PDE10A: variants seen among roughly 807,000 people sequenced by gnomAD.
The protein encoded by PDE10A is cAMP and cAMP-inhibited cGMP 3',5'-cyclic phosphodiesterase 10A.
In PDE10A, 39 loss-of-function variants were observed where a neutral mutation model predicts 97.7. The ratio of observed to expected loss-of-function variants is 0.40; its 90% confidence interval spans 0.31 to 0.52. The LOEUF is 0.52. Among genes scored for constraint, PDE10A ranks in the 20% least tolerant of loss-of-function variants. The probability of loss-of-function intolerance (pLI) is 0.56; values close to 1 mark genes in which losing one functional copy is unlikely to be tolerated. For missense variants in PDE10A, 731 were observed against 1,047.8 expected (o/e 0.70, Z 4.17); for synonymous variants, 371 against 376.8 (o/e 0.98, Z 0.18).
chr6:165,525,550 C>A (rs619882), intron 2 of PDE10A, among the ~76,000 whole-genome samples: 110,015 of 151,566 alleles, frequency 0.73, 42,052 homozygotes, highest in Non-Finnish European at 0.84. Context: ...TAGAGGGTCC[C>A]GAAGATATAC....
chr6:165,672,861 A>G (rs920562208), intron 1 of PDE10A, among the ~76,000 whole-genome samples: 6 of 152,238 alleles, frequency 3.9e-5, no homozygotes, highest in Non-Finnish European at 8.8e-5. Flanking sequence ...CTGAATACCT[A>G]TCATTTTCAC....
chr6:165,463,244 C>A (rs959451796), intron 3 of PDE10A, among the ~76,000 whole-genome samples: 1 of 152,128 alleles, frequency 6.6e-6, no homozygotes, highest in Non-Finnish European at 1.5e-5. Flanking sequence ...GGCACCTCAA[C>A]CTCAAATGAT....
chr6:165,712,216 A>G (rs1048836753), intron 1 of PDE10A, among the ~76,000 whole-genome samples: 1 of 152,210 alleles, frequency 6.6e-6, no homozygotes, highest in Non-Finnish European at 1.5e-5. Context: ...AGTGGGACTC[A>G]GAGGTTAATT....
At chr6:165,498,098 C>T (rs1455535003) in intron 2 of PDE10A, among the ~76,000 whole-genome samples, 1 of 151,686 alleles carries the variant, frequency 6.6e-6, no homozygotes, top group African/African-American at 2.4e-5. Context: ...ATGAGAAGTC[C>T]AAAGCTTTCT....
chr6:165,496,842 A>G (rs914350208), intron 2 of PDE10A, among the ~76,000 whole-genome samples: 6 of 152,234 alleles, frequency 3.9e-5, no homozygotes, highest in African/African-American at 1.4e-4. Context: ...TTGTCTAACT[A>G]TTAAATACAG....
At position 165,369,241 on chromosome 6, in the gene PDE10A, C is replaced by G. The variant is rs541351096; in HGVS notation, c.2783+9953G>C. Among the ~76,000 whole-genome samples the G allele has an allele frequency of 6.9e-3, 1,049 of 152,206 alleles. 10 individuals are homozygous for G. The highest frequency in any genetic ancestry group is 0.024 in the African/African-American group (1,008 of 41,510). ...AAAGCTGGATGGAGAATGACTTTGA[C>G]GAGCTGAGAGCAGAAGGCTTCAGAC... On this transcript the variant is annotated intron_variant, in intron 18 of 21. Coordinates refer to ENST00000539869, the MANE Select transcript of PDE10A (RefSeq NM_001385079.1).
intron 1 of PDE10A, among the ~76,000 whole-genome samples, chr6:165,836,371 G>A (rs546905121): frequency 4.7e-4 from 71 of 152,286 alleles, no homozygotes; most frequent in Admixed American, 3.3e-3. Flanking sequence ...ACCGGCGCAC[G>A]TCGGCACAGC....
At chr6:165,597,304 TG>T (rs60822130) in intron 1 of PDE10A, among the ~76,000 whole-genome samples, 30,035 of 152,152 alleles carry the variant, frequency 0.2, 3,588 homozygotes, top group African/African-American at 0.33. Context: ...AAAATTATCC[TG>T]GTGGATTAAG....
intron 1 of PDE10A, among the ~76,000 whole-genome samples, chr6:165,872,996 G>A (rs1030445107): frequency 2.6e-5 from 4 of 152,176 alleles, no homozygotes; most frequent in Admixed American, 1.3e-4. Context: ...TGAGGGTAAC[G>A]CCGATGTGGG....
intron 1 of PDE10A, among the ~76,000 whole-genome samples, chr6:165,682,501 G>A (rs531708061): frequency 6.6e-6 from 1 of 152,228 alleles, no homozygotes; most frequent in African/African-American, 2.4e-5. Context: ...TTTGGGAGGT[G>A]ATAAGGTCGT....
Position 165,832,617 on chromosome 6 carries a change from G to A in PDE10A, c.-615+154912C>T, listed in dbSNP as rs182694671. 2.0e-5 allele frequency among the ~76,000 whole-genome samples: 3 copies of A among 152,274 alleles called. No individual in the cohort carries two copies. In the East Asian group the frequency reaches 5.8e-4, roughly 29 times the overall value. ...CCTTCTCCGTGGCCCTAAACAACCC[G>A]CAGTATCAGCGTTCCCACCCACTCT... is the stretch of plus-strand genomic sequence containing the variant. On this transcript the variant is annotated intron_variant, in intron 1 of 19. Coordinates refer to the PDE10A transcript ENST00000366882.
intron 6 of PDE10A, among the ~76,000 whole-genome samples, chr6:165,433,466 G>T (rs1789747886): frequency 6.6e-6 from 1 of 152,170 alleles, no homozygotes; most frequent in East Asian, 1.9e-4. Flanking sequence ...ACAGTCTTAG[G>T]GTGTTTACAG....
At chr6:165,449,104 C>A in intron 4 of PDE10A, 127 bp from the exon 5 acceptor site, 2 of 664,280 alleles carry the variant, frequency 3.0e-6, no homozygotes, top group South Asian at 3.7e-5. Context: ...AATGGTCATG[C>A]AGTAAATGGA....
chr6:165,434,922 A>G (rs1789887809), intron 6 of PDE10A, among the ~76,000 whole-genome samples: 1 of 152,212 alleles, frequency 6.6e-6, no homozygotes, highest in Non-Finnish European at 1.5e-5. Flanking sequence ...TAACTCATTC[A>G]TATGCATCCC....
intron 1 of PDE10A, among the ~76,000 whole-genome samples, chr6:165,816,686 A>T (rs553675700): frequency 6.6e-6 from 1 of 152,376 alleles, no homozygotes; most frequent in South Asian, 2.1e-4. Flanking sequence ...TCAAATAACA[A>T]TGAAAGCAAT....
chr6:165,485,679 G>A (rs1479400649), intron 2 of PDE10A, among the ~76,000 whole-genome samples: 1 of 149,498 alleles, frequency 6.7e-6, no homozygotes, highest in Non-Finnish European at 1.5e-5. Context: ...TGCAACCTCT[G>A]CCTTCCGGGT....
At chr6:165,803,194 TAAA>T (rs901156765) in intron 1 of PDE10A, among the ~76,000 whole-genome samples, 2 of 152,232 alleles carry the variant, frequency 1.3e-5, no homozygotes, top group African/African-American at 4.8e-5. Context: ...TCTCTGAATA[TAAA>T]CTTGTACCCT....
intron 1 of PDE10A, among the ~76,000 whole-genome samples, chr6:165,861,157 G>C (rs1780889809): frequency 1.3e-5 from 2 of 152,228 alleles, no homozygotes; most frequent in Non-Finnish European, 2.9e-5. Context: ...TGTGGCTGAT[G>C]ATGTCAAGAG....
chr6:165,364,826 A>G (rs976417876), intron 18 of PDE10A, among the ~76,000 whole-genome samples: 6 of 152,208 alleles, frequency 3.9e-5, no homozygotes, highest in Middle Eastern at 3.2e-3. Flanking sequence ...GCAAACATCC[A>G]AAGTATTTCG....
Sources: gnomAD v4.1 joint callset for allele counts (sites outside exome capture counted in the v4.1 genomes callset) on GRCh38, gnomAD v4.1.1 for gene constraint, MANE v1.5 for transcripts, NCBI Gene and HGNC (gene_info 2026-07-23, HGNC 2026-07-21) for gene names.